GOT1: variants seen among roughly 807,000 people sequenced by gnomAD.
The protein encoded by GOT1 is aspartate aminotransferase, cytoplasmic.
GOT1 carries 25 observed loss-of-function variants against 48.2 expected under a neutral mutation model. The observed-to-expected ratio is 0.52, with a 90% confidence interval of 0.38 to 0.72. The LOEUF is 0.72. Ranked by LOEUF, GOT1 falls within the 30% of genes least tolerant of loss-of-function variation. GOT1 has a pLI of 0.00. For missense variants in GOT1, 380 were observed against 520.1 expected (o/e 0.73, Z 2.62); for synonymous variants, 188 against 193.8 (o/e 0.97, Z 0.25).
At chr10:99,409,324 G>A (rs963024066) in intron 2 of GOT1, among the ~76,000 whole-genome samples, 1 of 149,508 alleles carries the variant, frequency 6.7e-6, no homozygotes, top group African/African-American at 2.5e-5. Flanking sequence ...GTACAGATGG[G>A]GTTTCACCAT....
At chr10:99,426,456 T>C (rs1312626238) in intron 1 of GOT1, among the ~76,000 whole-genome samples, 1 of 152,186 alleles carries the variant, frequency 6.6e-6, no homozygotes, top group African/African-American at 2.4e-5. Flanking sequence ...AAACATCTGA[T>C]AAAGCATATT....
chr10:99,416,631 C>G (rs1456201205), intron 2 of GOT1, among the ~76,000 whole-genome samples: 1 of 151,972 alleles, frequency 6.6e-6, no homozygotes, highest in Non-Finnish European at 1.5e-5. Flanking sequence ...GCCCCCATTG[C>G]CAAGTCAATC....
At chr10:99,428,031 G>A (rs1394078578) in intron 1 of GOT1, among the ~76,000 whole-genome samples, 1 of 152,206 alleles carries the variant, frequency 6.6e-6, no homozygotes, top group Non-Finnish European at 1.5e-5. Flanking sequence ...CTGAGTCAAT[G>A]ACTCCAATTC....
At chr10:99,409,117 G>C (rs185881652) in intron 2 of GOT1, among the ~76,000 whole-genome samples, 1 of 150,022 alleles carries the variant, frequency 6.7e-6, no homozygotes, top group Non-Finnish European at 1.5e-5. Context: ...ATAATAAAAA[G>C]GTTTTTTTTG....
At position 99,424,418 on chromosome 10, in the gene GOT1, G is replaced by T. The variant is rs139537383; in HGVS notation, c.119-3613C>A. Among the ~76,000 whole-genome samples, 1,033 of 152,216 alleles carry T rather than the reference G, an allele frequency of 6.8e-3. 8 individuals carry two copies. Among genetic ancestry groups the T allele is most frequent in the Admixed American group, 0.012 (185 of 15,290 alleles). ...TTCTAGAAATCTTGGAACAAGAAAA[G>T]CATATTTGAACTACCTACAAAGGAT... On this transcript the variant is annotated intron_variant, in intron 1 of 8. Coordinates refer to ENST00000370508, the MANE Select transcript of GOT1 (RefSeq NM_002079.3).
intron 5 of GOT1, among the ~76,000 whole-genome samples, chr10:99,404,810 TCACTCA>T (rs2032732208): frequency 6.6e-6 from 1 of 152,102 alleles, no homozygotes; most frequent in Non-Finnish European, 1.5e-5. Context: ...TCTAGCCTCA[TCACTCA>T]CACTCCCCAT....
Position 99,397,233 on chromosome 10 carries a change from G to A in GOT1, c.*314C>T, listed in dbSNP as rs373163989. The stretch of plus-strand genomic sequence containing the variant: ...AGAGTCAAACACCACATAGAAGCAC[G>A]TGGCCGCCACACACAACACTCCTTT... On this transcript the variant is annotated 3_prime_UTR_variant, in exon 9 of 9. Transcript: ENST00000370508. This position sits in a 1 kb window ranked among gnomAD's most constrained non-coding sequence, Gnocchi z 5.4. 9.1e-5 allele frequency: 24 copies of A among 264,424 alleles called. No individual in the cohort carries two copies. Among genetic ancestry groups the A allele is most frequent in the Non-Finnish European group, 1.5e-4 (20 of 135,276 alleles). 16.4% of individuals were successfully genotyped at this position (264,424 alleles called of 1,614,324 possible). A position where few individuals can be genotyped will look rare whatever the true frequency, so the allele number is the denominator to read the frequency against.
At chr10:99,403,992 T>C (rs1329056722) in intron 5 of GOT1, 118 bp from the exon 6 acceptor site, 2 of 913,150 alleles carry the variant, frequency 2.2e-6, no homozygotes, top group African/African-American at 1.6e-5. Context: ...ATTTCTCCTA[T>C]TTCTTGACTA....
chr10:99,402,758 A>T, intron 7 of GOT1, 36 bp from the exon 8 acceptor site: 1 of 1,589,812 alleles, frequency 6.3e-7, no homozygotes, highest in Non-Finnish European at 8.6e-7. Flanking sequence ...ACCAATCCAG[A>T]CAGGAAAGAT....
chr10:99,426,177 C>T (rs570872578), intron 1 of GOT1, among the ~76,000 whole-genome samples: 53 of 152,068 alleles, frequency 3.5e-4, no homozygotes, highest in African/African-American at 1.3e-3. Flanking sequence ...GCAAGCAGGC[C>T]CCTGGGACCA....
chr10:99,418,173 C>A (rs2032922028), intron 2 of GOT1, among the ~76,000 whole-genome samples: 1 of 151,948 alleles, frequency 6.6e-6, no homozygotes, highest in African/African-American at 2.4e-5. Context: ...CAAATATTTG[C>A]TGCCATGAAG....
chr10:99,422,410 T>G (rs1358661143), intron 1 of GOT1, among the ~76,000 whole-genome samples: 3 of 152,192 alleles, frequency 2.0e-5, no homozygotes, highest in African/African-American at 7.2e-5. Context: ...ATCCCAGTAC[T>G]CAGAGACAAG....
At chr10:99,407,486 G>A (rs555984178) in intron 2 of GOT1, among the ~76,000 whole-genome samples, 13 of 149,496 alleles carry the variant, frequency 8.7e-5, no homozygotes, top group African/African-American at 1.2e-4. Flanking sequence ...AGGTTGGAGT[G>A]CAGTGGCATG....
chr10:99,421,228 C>T (rs1349873477), intron 1 of GOT1, among the ~76,000 whole-genome samples: 1 of 152,208 alleles, frequency 6.6e-6, no homozygotes, highest in Admixed American at 6.5e-5. Context: ...TTCTGCATCT[C>T]CCCAAGAGAC....
intron 2 of GOT1, among the ~76,000 whole-genome samples, chr10:99,407,618 G>A (rs148369392): frequency 6.6e-6 from 1 of 151,782 alleles, no homozygotes; most frequent in Non-Finnish European, 1.5e-5. Flanking sequence ...ATATTTAGTA[G>A]AGACGGGGTT....
chr10:99,420,625 C>A lies in GOT1; in HGVS notation c.299G>T (p.Arg100Leu). 6.2e-7 allele frequency: 1 copy of A among 1,605,652 alleles called. No individual in the cohort carries two copies. The highest frequency in any genetic ancestry group is 1.1e-5 in the South Asian group (1 of 89,582). The change falls in exon 2 of 9, where the codon CGG becomes CTG. Residue 100 changes from arginine to leucine, a missense_variant and splice_region_variant. Coordinates refer to ENST00000370508, the MANE Select transcript of GOT1 (RefSeq NM_002079.3). ...GDDSPALKEKRVGGVQSLGGT... is the reference protein window; with the variant it reads ...GDDSPALKEKLVGGVQSLGGT... Reference sequence around the variant, plus strand: ...AATACATCCTTACCCAAAACTTACCCGCTTCTCCTTGAGTGCTGGGCTGTC... The same window carrying A: ...AATACATCCTTACCCAAAACTTACCAGCTTCTCCTTGAGTGCTGGGCTGTC...
At chr10:99,411,315 G>A (rs1224918603) in intron 2 of GOT1, among the ~76,000 whole-genome samples, 1 of 152,224 alleles carries the variant, frequency 6.6e-6, no homozygotes, top group Non-Finnish European at 1.5e-5. Flanking sequence ...CGACATTTCT[G>A]TCTGGATCCT....
At chr10:99,430,190 G>C in intron 1 of GOT1, 1 of 959,458 alleles carries the variant, frequency 1.0e-6, no homozygotes. Context: ...TGGGGAATCG[G>C]AAAGACTGAG....
Position 99,405,748 on chromosome 10 carries a change from G to A in GOT1, c.642+8C>T. ...ATTTTTTAAGAGATGCTCTGAAGGG[G>A]CAGTTACCTTCATGACAGAAGCAAT... On this transcript the variant is annotated splice_region_variant and intron_variant, in intron 5 of 8. Coordinates refer to ENST00000370508, the MANE Select transcript of GOT1 (RefSeq NM_002079.3). The A allele has an allele frequency of 2.3e-6, 3 of 1,314,474 alleles. No homozygotes were observed. Among genetic ancestry groups the A allele is most frequent in the Non-Finnish European group, 3.3e-6 (3 of 906,366 alleles). The allele number at this position is 1,314,474 out of a possible 1,614,324, so 81.4% of individuals were successfully genotyped here. A position where few individuals can be genotyped will look rare whatever the true frequency, so the allele number is the denominator to read the frequency against.
Sources: allele counts gnomAD v4.1 joint callset (sites outside exome capture counted in the v4.1 genomes callset), GRCh38; gene constraint gnomAD v4.1.1; non-coding constraint Gnocchi (gnomAD v3.1); transcripts MANE v1.5; gene names NCBI Gene and HGNC (gene_info 2026-07-23, HGNC 2026-07-21).